The following PLEKHA8 variants were observed in gnomAD, a reference collection of about 807,000 sequenced individuals.
PLEKHA8 encodes pleckstrin homology domain containing A8.
PLEKHA8 carries 36 observed loss-of-function variants against 68.2 expected under a neutral mutation model. The observed-to-expected ratio is 0.53, with a 90% CI of 0.40 to 0.70. PLEKHA8 has a LOEUF of 0.70. Ranked by LOEUF, PLEKHA8 falls within the 30% of genes least tolerant of loss-of-function variation. The pLI, the probability that PLEKHA8 is intolerant of heterozygous loss-of-function variation, is 0.00. For synonymous variants in PLEKHA8, 211 were observed against 216.1 expected (o/e 0.98, Z 0.20); for missense variants, 505 against 615.4 (o/e 0.82, Z 1.90).
At chr7:30,115,967 CAT>C (rs1796498081) in intron 13 of PLEKHA8, 2 of 130,512 alleles carry the variant, frequency 1.5e-5, no homozygotes, top group Admixed American at 1.5e-4. Context: ...TGCATGCATA[CAT>C]GTGCATGCAT....
chr7:30,058,976 C>T (rs879342149), intron 9 of PLEKHA8, among the ~76,000 whole-genome samples: 34 of 152,180 alleles, frequency 2.2e-4, no homozygotes, highest in Non-Finnish European at 4.6e-4. Context: ...AAAAAATTAG[C>T]CAGGTGTGAT....
At position 30,060,881 on chromosome 7, in the gene PLEKHA8, T is replaced by C. The variant is rs1562522372; in HGVS notation, c.1040-3T>C. On this transcript the variant is annotated splice_polypyrimidine_tract_variant and splice_region_variant and intron_variant, in intron 9 of 13. Transcript: ENST00000449726. Reference sequence around the variant, plus strand: ...CAGAAATGTTTTTAATCTTTTCTTCTAGACAAACTTGGCCCTACAGTGTTT... The same window carrying C: ...CAGAAATGTTTTTAATCTTTTCTTCCAGACAAACTTGGCCCTACAGTGTTT... The C allele has an allele frequency of 6.2e-7, 1 of 1,611,030 alleles. No homozygotes were observed. The highest frequency in any genetic ancestry group is 1.1e-5 in the South Asian group (1 of 89,916).
chr7:30,030,564 T>C (rs943323332), intron 1 of PLEKHA8, among the ~76,000 whole-genome samples: 1 of 152,256 alleles, frequency 6.6e-6, no homozygotes, highest in Non-Finnish European at 1.5e-5. Context: ...GTGGAAACCC[T>C]GAAGAAGAGG....
chr7:30,094,640 G>A (rs967684116), downstream of PLEKHA8, among the ~76,000 whole-genome samples: 6 of 151,162 alleles, frequency 4.0e-5, no homozygotes, highest in Non-Finnish European at 7.4e-5. Flanking sequence ...AGGTCATTTA[G>A]CATTAGGTAT....
At chr7:30,102,823 G>C (rs1290692078) in intron 13 of PLEKHA8, among the ~76,000 whole-genome samples, 1 of 152,260 alleles carries the variant, frequency 6.6e-6, no homozygotes, top group African/African-American at 2.4e-5. Context: ...TAGGTGCAAG[G>C]ATGGCTTGAG....
chr7:30,036,367 A>G (rs1027150211), intron 1 of PLEKHA8, among the ~76,000 whole-genome samples: 7 of 152,090 alleles, frequency 4.6e-5, no homozygotes, highest in Non-Finnish European at 1.0e-4. Context: ...TCACAAATAG[A>G]TAGTGTAAGA....
chr7:30,054,500 A>G (rs1792670419), intron 7 of PLEKHA8, among the ~76,000 whole-genome samples: 1 of 152,128 alleles, frequency 6.6e-6, no homozygotes, highest in Non-Finnish European at 1.5e-5. Flanking sequence ...TTCATGATAC[A>G]TTGTTTAGTG....
chr7:30,094,128 C>G (rs1337592014), downstream of PLEKHA8, among the ~76,000 whole-genome samples: 1 of 152,208 alleles, frequency 6.6e-6, no homozygotes, highest in East Asian at 1.9e-4. Flanking sequence ...TACCTAGACA[C>G]AAAGGAAATT....
intron 13 of PLEKHA8, chr7:30,075,023 A>G (rs550705796): frequency 2.6e-5 from 4 of 152,320 alleles, no homozygotes; most frequent in Admixed American, 1.3e-4. Context: ...AGTCTCATGC[A>G]GTTGTATGTC....
In PLEKHA8 at chr7:30,046,206, C is replaced by G. The variant is rs1488966042; in HGVS notation, c.158-4C>G. The G allele has an allele frequency of 6.3e-7, 1 of 1,591,264 alleles. No homozygotes were observed. Among genetic ancestry groups the G allele is most frequent in the Non-Finnish European group, 8.6e-7 (1 of 1,168,610 alleles). On this transcript the variant is annotated splice_polypyrimidine_tract_variant and splice_region_variant and intron_variant, in intron 2 of 13. Coordinates refer to ENST00000449726, the MANE Select transcript of PLEKHA8 (RefSeq NM_001197026.2). ...TCTCTGATCTCCCTCTGTCTTGCTC[C>G]CAGTTCATTCTGTAGATAATACACG... is the stretch of plus-strand genomic sequence containing the variant.
At position 30,083,309 on chromosome 7, in the gene PLEKHA8, G is replaced by A. The variant is rs982198485; in HGVS notation, c.*4522G>A. The A allele has an allele frequency of 1.2e-4, 118 of 984,998 alleles. No individual in the cohort carries two copies. In the African/African-American group the frequency reaches 1.9e-3, roughly 16 times the overall value. The allele number at this position is 984,998 out of a possible 1,614,324, so 61.0% of individuals were successfully genotyped here. ...GTAATCCGCAGTTGCTTACTCAGGGGTTTCATAGTCATTTCATAAAAAATA... is the reference window on the plus strand; with the variant it reads ...GTAATCCGCAGTTGCTTACTCAGGGATTTCATAGTCATTTCATAAAAAATA... On this transcript the variant is annotated 3_prime_UTR_variant, in exon 14 of 14. Transcript: ENST00000449726.
intron 11 of PLEKHA8, among the ~76,000 whole-genome samples, chr7:30,062,380 C>T (rs1264070604): frequency 6.6e-6 from 1 of 152,118 alleles, no homozygotes; most frequent in Non-Finnish European, 1.5e-5. Flanking sequence ...TCGGGTGGGG[C>T]CCCAGAATTT....
At chr7:30,085,275 A>G (rs1430675184), downstream of PLEKHA8, among the ~76,000 whole-genome samples, 1 of 152,132 alleles carries the variant, frequency 6.6e-6, no homozygotes, top group Non-Finnish European at 1.5e-5. Context: ...TTTAAAACCT[A>G]AACAGAAGAC....
rs1408922642 is a variant in PLEKHA8 at position 30,083,026 on chromosome 7, CTTTT to C, written c.*4243_*4246del. 10 of 983,958 alleles carry C rather than the reference CTTTT, an allele frequency of 1.0e-5. No homozygotes were observed. Among genetic ancestry groups the C allele is most frequent in the Middle Eastern group, 5.2e-4 (1 of 1,930 alleles). 61.0% of individuals were successfully genotyped at this position (983,958 alleles called of 1,614,324 possible). A position where few individuals can be genotyped will look rare whatever the true frequency, so the allele number is the denominator to read the frequency against. ...TTCAGCTCTCCCTCATGTTTCATTT[CTTTT>C]TTTAAGATAATCTATCAACCTTTTT... is the stretch of plus-strand genomic sequence containing the variant. On this transcript the variant is annotated 3_prime_UTR_variant, in exon 14 of 14. Transcript: ENST00000449726.
At chr7:30,042,155 C>T (rs1045733396) in intron 1 of PLEKHA8, among the ~76,000 whole-genome samples, 3 of 152,178 alleles carry the variant, frequency 2.0e-5, no homozygotes, top group African/African-American at 4.8e-5. Context: ...CCTTTTCTAG[C>T]TTTCATTGGT....
At position 30,032,038 on chromosome 7, in the gene PLEKHA8, G is replaced by A. The variant is rs969461596; in HGVS notation, c.40+3236G>A. Among the ~76,000 whole-genome samples, 5 of 152,050 alleles carry A rather than the reference G, an allele frequency of 3.3e-5. No homozygotes were observed. In the East Asian group the frequency reaches 7.7e-4, roughly 23 times the overall value. On this transcript the variant is annotated intron_variant, in intron 1 of 13. Coordinates refer to ENST00000449726, the MANE Select transcript of PLEKHA8 (RefSeq NM_001197026.2). ...TTTCATCCTGCCTTTTGGACATTCCGGGATTTAGTGCCAGTACCTTTCTTT... is the reference window on the plus strand; with the variant it reads ...TTTCATCCTGCCTTTTGGACATTCCAGGATTTAGTGCCAGTACCTTTCTTT...
chr7:30,077,938 C>T lies in PLEKHA8; in HGVS notation c.1363-652C>T, dbSNP rs866108326. On this transcript the variant is annotated intron_variant, in intron 13 of 13. Transcript: ENST00000449726. ...GAAAAACACAGAGATGATCCAAGTT[C>T]AGATCCTAGCCCTGGCACTCATTAG... Among the ~76,000 whole-genome samples the T allele has an allele frequency of 3.9e-5, 6 of 152,124 alleles. No homozygotes were observed. In the South Asian group the frequency reaches 1.0e-3, roughly 26 times the overall value.
intron 13 of PLEKHA8, among the ~76,000 whole-genome samples, chr7:30,098,835 G>A (rs867530588): frequency 2.0e-5 from 3 of 152,234 alleles, no homozygotes; most frequent in African/African-American, 4.8e-5. Flanking sequence ...TGCACCCACT[G>A]TCCGGCACTC....
rs1795017219 is a variant in PLEKHA8, at chr7:30,082,940, C to T, written c.*4153C>T. 2.0e-6 allele frequency: 2 copies of T among 985,238 alleles called. No individual in the cohort carries two copies. Among genetic ancestry groups the T allele is most frequent in the African/African-American group, 1.7e-5 (1 of 57,298 alleles). The allele number at this position is 985,238 out of a possible 1,614,324, so 61.0% of individuals were successfully genotyped here. Reference sequence around the variant, plus strand: ...ACAAGAACTTGGTTATATAATGGTGCGTCTCTGAATCACTGATTAAAACCA... The same window carrying T: ...ACAAGAACTTGGTTATATAATGGTGTGTCTCTGAATCACTGATTAAAACCA... On this transcript the variant is annotated 3_prime_UTR_variant, in exon 14 of 14. Transcript: ENST00000449726.
Sources: allele counts gnomAD v4.1 joint callset (sites outside exome capture counted in the v4.1 genomes callset), GRCh38; gene constraint gnomAD v4.1.1; transcripts MANE v1.5; gene names NCBI Gene and HGNC (gene_info 2026-07-23, HGNC 2026-07-21).